SSMEM1: variants seen among roughly 807,000 people sequenced by gnomAD.
SSMEM1 encodes serine-rich single-pass membrane protein 1.
Under a neutral mutation model 9.9 loss-of-function variants are expected in SSMEM1, and 12 were observed. That is an observed-to-expected ratio of 1.21 (90% CI 0.78 to 1.96). SSMEM1 has a LOEUF of 1.96. SSMEM1 is among the 30% of genes most tolerant of loss of function. SSMEM1 has a pLI of 0.00. For missense variants in SSMEM1, 259 were observed against 292.2 expected, an observed-to-expected ratio of 0.89 and a Z score of 0.83; for synonymous variants, 96 against 98.9, an observed-to-expected ratio of 0.97 and a Z score of 0.17.
At chr7:130,207,680 C>A (rs1455023107), upstream of SSMEM1, 14 of 627,608 alleles carry the variant, frequency 2.2e-5, no homozygotes, top group Non-Finnish European at 3.8e-5. Context: ...AGGCAGAATG[C>A]ACCATATTGA....
rs1798518793 is a variant in SSMEM1 at position 130,207,948 on chromosome 7, C to G, written c.38C>G (p.Pro13Arg). Residue 13 changes from proline (P) to arginine (R), a missense_variant, in exon 1 of 3, where the codon CCT (proline) becomes CGT (arginine). Transcript: ENST00000297819. The stretch of plus-strand genomic sequence containing the variant: ...TTTTCCTTATTTTGGGAGGTAGATC[C>G]TCCCCCAATACCTGTAAATTGTGCC... ...DLFSLFWEVD[P>R]PPIPVNCAIP... 1 of 1,613,804 alleles carries G rather than the reference C, an allele frequency of 6.2e-7. No individual in the cohort carries two copies. Among genetic ancestry groups the G allele is most frequent in the Non-Finnish European group, 8.5e-7 (1 of 1,179,920 alleles).
rs545212315 is a variant in SSMEM1, at chr7:130,209,817, A to T, written c.183+1724A>T. Among the ~76,000 whole-genome samples, 7 of 152,144 alleles carry T rather than the reference A, an allele frequency of 4.6e-5. No individual in the cohort carries two copies. In the East Asian group the frequency reaches 1.4e-3, roughly 30 times the overall value. On this transcript the variant is annotated intron_variant, in intron 1 of 2. Coordinates refer to ENST00000297819, the MANE Select transcript of SSMEM1 (RefSeq NM_145268.4). ...CTGGTGTCGAACTCCTGACCTCGTG[A>T]TCCACCCGCCTCGGCCTCCCAAAGT...
At chr7:130,213,676 T>C (rs1584713994) in intron 2 of SSMEM1, 142 bp downstream of exon 2, 1 of 192,420 alleles carries the variant, frequency 5.2e-6, no homozygotes, top group East Asian at 9.1e-5. Context: ...CTTGAGAACA[T>C]AGTGAGACCC....
At chr7:130,205,516 C>T (rs546767053), upstream of SSMEM1, 165 of 1,379,648 alleles carry the variant, frequency 1.2e-4, 1 homozygote, top group African/African-American at 2.0e-3. Context: ...AGGGAGGGGT[C>T]GCAGGCCCAG....
upstream of SSMEM1, chr7:130,207,846 G>A (rs1266890628): frequency 2.4e-5 from 37 of 1,535,276 alleles, no homozygotes; most frequent in Non-Finnish European, 3.2e-5. Context: ...CATAGAGGGA[G>A]TGAAGTAGTT....
chr7:130,216,519 A>G lies in SSMEM1; in HGVS notation c.*49A>G, dbSNP rs753026057. 1.1e-4 allele frequency: 170 copies of G among 1,572,606 alleles called. No individual in the cohort carries two copies. Among genetic ancestry groups the G allele is most frequent in the Non-Finnish European group, 1.4e-4 (164 of 1,159,726 alleles). The stretch of plus-strand genomic sequence containing the variant: ...TTGAAGCCAAATGAAAGAGATGAAT[A>G]AAACATGAAAAATCACCAGAGCTAT... On this transcript the variant is annotated 3_prime_UTR_variant, in exon 3 of 3. Transcript: ENST00000297819.
chr7:130,205,526 G>A (rs1165528922), upstream of SSMEM1: 2 of 1,255,838 alleles, frequency 1.6e-6, no homozygotes, highest in African/African-American at 1.5e-5. Context: ...CGCAGGCCCA[G>A]GCGCTCGGAG....
In SSMEM1 at chr7:130,208,043, T is replaced by C. The variant is rs1584710193; in HGVS notation, c.133T>C (p.Tyr45His). 3 of 1,614,072 alleles carry C rather than the reference T, an allele frequency of 1.9e-6. No homozygotes were observed. Among genetic ancestry groups the C allele is most frequent in the Non-Finnish European group, 2.5e-6 (3 of 1,179,970 alleles). ...CGTIGSFLLW[Y>H]FVIVFVLMFF... is the part of the protein sequence containing the mutation. ...AACCATAGGGAGCTTCCTGCTTTGG[T>C]ATTTTGTTATCGTATTTGTCCTGAT... Residue 45 changes from tyrosine to histidine, a missense_variant, in exon 1 of 3, where the codon TAT becomes CAT. By Grantham distance (83) the Tyr-to-His change is moderately conservative (BLOSUM62 2). Transcript: ENST00000297819.
chr7:130,205,918 C>T (rs1798448236), upstream of SSMEM1, among the ~76,000 whole-genome samples: 1 of 152,064 alleles, frequency 6.6e-6, no homozygotes, highest in South Asian at 2.1e-4. Context: ...TCAAGGGATC[C>T]GCCCGCCTCA....
At position 130,208,054 on chromosome 7, in the gene SSMEM1, C is replaced by G. The variant is rs759075254; in HGVS notation, c.144C>G (p.Ile48Met). ...IGSFLLWYFVIVFVLMFFSRA... is the reference protein window; with the variant it reads ...IGSFLLWYFVMVFVLMFFSRA... Reference sequence around the variant, plus strand: ...GCTTCCTGCTTTGGTATTTTGTTATCGTATTTGTCCTGATGTTCTTCTCTA... The same window carrying G: ...GCTTCCTGCTTTGGTATTTTGTTATGGTATTTGTCCTGATGTTCTTCTCTA... The change falls in exon 1 of 3, where the codon ATC (isoleucine) becomes ATG (methionine). Residue 48 changes from isoleucine to methionine, a missense_variant. Physicochemically the swap from Ile to Met is conservative, Grantham distance 10 (BLOSUM62 1). Coordinates refer to ENST00000297819, the MANE Select transcript of SSMEM1 (RefSeq NM_145268.4). 5.0e-6 allele frequency: 8 copies of G among 1,613,860 alleles called. No individual in the cohort carries two copies. The South Asian group carries it at 8.8e-5, about 18-fold the overall frequency.
At chr7:130,206,368 A>AG (rs1269167974), upstream of SSMEM1, among the ~76,000 whole-genome samples, 4 of 152,210 alleles carry the variant, frequency 2.6e-5, no homozygotes, top group Non-Finnish European at 5.9e-5. Flanking sequence ...ATGACGCGTT[A>AG]GAGTCCACAG....
At chr7:130,206,356 A>C (rs528191075), upstream of SSMEM1, among the ~76,000 whole-genome samples, 2 of 152,192 alleles carry the variant, frequency 1.3e-5, no homozygotes, top group African/African-American at 4.8e-5. Flanking sequence ...TTCCTGGAGG[A>C]GATGACGCGT....
intron 1 of SSMEM1, among the ~76,000 whole-genome samples, chr7:130,210,984 C>T (rs1798580342): frequency 6.6e-6 from 1 of 152,020 alleles, no homozygotes; most frequent in African/African-American, 2.4e-5. Flanking sequence ...AAAAATCACT[C>T]CAGATTATGT....
rs138852900 is a variant in SSMEM1 at position 130,214,067 on chromosome 7, T to C, written c.238+533T>C. Among the ~76,000 whole-genome samples the C allele has an allele frequency of 4.3e-3, 652 of 152,324 alleles. 3 individuals carry two copies. Among genetic ancestry groups the C allele is most frequent in the African/African-American group, 0.015 (614 of 41,578 alleles). On this transcript the variant is annotated intron_variant, in intron 2 of 2. Coordinates refer to ENST00000297819, the MANE Select transcript of SSMEM1 (RefSeq NM_145268.4). Reference sequence around the variant, plus strand: ...ATCTTTTTCAATAACCTATAAGCAGTGGTGCACTGGTAAATGTTTAACAAC... The same window carrying C: ...ATCTTTTTCAATAACCTATAAGCAGCGGTGCACTGGTAAATGTTTAACAAC...
intron 1 of SSMEM1, among the ~76,000 whole-genome samples, chr7:130,213,223 C>T (rs1798626559): frequency 1.3e-5 from 2 of 152,030 alleles, no homozygotes; most frequent in Non-Finnish European, 2.9e-5. Context: ...TAGCGGGCAC[C>T]TGTAATCCCA....
At chr7:130,213,710 A>AAAAAAAAAAAAAAAG (rs1562906803) in intron 2 of SSMEM1, among the ~76,000 whole-genome samples, 176 bp downstream of exon 2, 1 of 119,312 alleles carries the variant, frequency 8.4e-6, no homozygotes, top group Non-Finnish European at 1.7e-5. Flanking sequence ...AAAAAAAAAA[A>AAAAAAAAAAAAAAAG]AAAAGAAAAG....
chr7:130,211,360 C>T (rs886987801), intron 1 of SSMEM1, among the ~76,000 whole-genome samples: 3 of 151,966 alleles, frequency 2.0e-5, no homozygotes, highest in Admixed American at 1.3e-4. Context: ...AGGGTTTCAC[C>T]GTGTTAGCCA....
chr7:130,212,664 T>G (rs1456456768), intron 1 of SSMEM1, among the ~76,000 whole-genome samples: 1 of 151,330 alleles, frequency 6.6e-6, no homozygotes, highest in South Asian at 2.1e-4. Flanking sequence ...GGCGGAGATT[T>G]CAGTGAGCTG....
chr7:130,213,318 A>G (rs1460500583), intron 1 of SSMEM1, among the ~76,000 whole-genome samples, 162 bp from the exon 2 acceptor site: 2 of 152,198 alleles, frequency 1.3e-5, no homozygotes, highest in African/African-American at 4.8e-5. Context: ...ACTGCACTCC[A>G]GCCTGGGCAA....
Sources: gnomAD v4.1 joint callset for allele counts (sites outside exome capture counted in the v4.1 genomes callset) on GRCh38, gnomAD v4.1.1 for gene constraint, MANE v1.5 for transcripts, NCBI Gene and HGNC (gene_info 2026-07-23, HGNC 2026-07-21) for gene names.